SDSL: variants seen among roughly 807,000 people sequenced by gnomAD.
SDSL encodes the protein serine dehydratase like.
Under a neutral mutation model 27.6 loss-of-function variants are expected in SDSL, and 26 were observed. The ratio of observed to expected loss-of-function variants is 0.94; its 90% CI spans 0.69 to 1.31. The LOEUF is 1.31. Ranked by LOEUF, SDSL falls within the 50% of genes most tolerant of loss-of-function variation. The pLI is 0.00. For synonymous variants in SDSL, 196 were observed against 180.6 expected, an observed-to-expected ratio of 1.09 and a Z score of -0.69; for missense variants, 431 against 423.5, an observed-to-expected ratio of 1.02 and a Z score of -0.16.
chr12:113,426,285 C>G (rs1957850430), intron 1 of SDSL: 2 of 455,760 alleles, frequency 4.4e-6, no homozygotes, highest in African/African-American at 2.0e-5. Context: ...CAAAGTTCCC[C>G]TTTCAAGAAC....
chr12:113,428,860 C>T (rs1188034110), intron 3 of SDSL, among the ~76,000 whole-genome samples: 2 of 151,930 alleles, frequency 1.3e-5, no homozygotes, highest in Admixed American at 1.3e-4. Context: ...TCCTACCAGC[C>T]TCCCAACCCT....
intron 6 of SDSL, among the ~76,000 whole-genome samples, chr12:113,436,347 G>A (rs1420378707): frequency 6.6e-6 from 1 of 150,980 alleles, no homozygotes; most frequent in Admixed American, 6.6e-5. Context: ...AGAGTGCAAT[G>A]GCGCGATCTC....
At chr12:113,432,284 CTT>C (rs1565879243) in intron 4 of SDSL, among the ~76,000 whole-genome samples, 25 of 126,422 alleles carry the variant, frequency 2.0e-4, no homozygotes, top group African/African-American at 6.5e-4. Flanking sequence ...TTCTTTCTTT[CTT>C]TCTTTCTCTC....
intron 1 of SDSL, among the ~76,000 whole-genome samples, chr12:113,425,500 A>C (rs558808962): frequency 6.6e-6 from 1 of 152,310 alleles, no homozygotes; most frequent in South Asian, 2.1e-4. Context: ...GTGAGTGGGC[A>C]GGGGAAGTTG....
chr12:113,429,967 TTCCCTCCCTCCC>T (rs200156503), intron 4 of SDSL, among the ~76,000 whole-genome samples: 1 of 148,676 alleles, frequency 6.7e-6, no homozygotes, highest in Non-Finnish European at 1.5e-5. Context: ...TCCTTCCCTC[TTCCCTCCCTCCC>T]TCCCTCCTTC....
intron 6 of SDSL, among the ~76,000 whole-genome samples, chr12:113,436,401 G>T (rs1239287958): frequency 6.6e-6 from 1 of 151,660 alleles, no homozygotes; most frequent in Non-Finnish European, 1.5e-5. Flanking sequence ...TGATTCTCCT[G>T]CCTTAGCCTC....
chr12:113,425,751 G>C, intron 1 of SDSL: 1 of 455,642 alleles, frequency 2.2e-6, no homozygotes, highest in South Asian at 1.6e-5. Context: ...CCAGCACTTC[G>C]GGAGGCCGAG....
chr12:113,426,035 C>T, intron 1 of SDSL: 1 of 399,008 alleles, frequency 2.5e-6, no homozygotes. Context: ...ACCACCACCT[C>T]CCAATGGCTT....
intron 4 of SDSL, among the ~76,000 whole-genome samples, chr12:113,430,361 G>A (rs1957906579): frequency 6.6e-6 from 1 of 152,182 alleles, no homozygotes; most frequent in Non-Finnish European, 1.5e-5. Flanking sequence ...AAGGTGTGTT[G>A]TTTTAATCAG....
In SDSL at chr12:113,434,188, G is replaced by T; in HGVS notation, c.409G>T (p.Glu137Ter). ...AQELAKRDGW[E>*]NVPPFDHPLI... Reference sequence around the variant, plus strand: ...AGAGTTGGCCAAGAGGGACGGCTGGGAGAATGTCCCCCCGTTTGACCACCC... The same window carrying T: ...AGAGTTGGCCAAGAGGGACGGCTGGTAGAATGTCCCCCCGTTTGACCACCC... The change falls in exon 5 of 8, where the codon GAG (glutamate) becomes TAG (stop). Residue 137 changes from glutamate to a stop codon, truncating the protein, a stop_gained. Transcript: ENST00000403593. LOFTEE classifies it high-confidence loss of function. 4 of 1,613,716 alleles carry T rather than the reference G, an allele frequency of 2.5e-6. No homozygotes were observed. Among genetic ancestry groups the T allele is most frequent in the Non-Finnish European group, 3.4e-6 (4 of 1,179,752 alleles).
chr12:113,432,250 T>C (rs1432219773), intron 4 of SDSL, among the ~76,000 whole-genome samples: 1 of 141,326 alleles, frequency 7.1e-6, no homozygotes, highest in African/African-American at 2.8e-5. Context: ...CTTTCTTTCT[T>C]TCTTTCTTTC....
At chr12:113,434,511 C>G (rs978414464) in intron 5 of SDSL, among the ~76,000 whole-genome samples, 4 of 152,218 alleles carry the variant, frequency 2.6e-5, no homozygotes, top group African/African-American at 9.6e-5. Context: ...GCTAATGGCT[C>G]CTCCTGCACT....
In SDSL at chr12:113,435,670, C is replaced by T. The variant is rs1020106948; in HGVS notation, c.671+114C>T. On this transcript the variant is annotated intron_variant, in intron 6 of 7. Coordinates refer to ENST00000403593, the MANE Select transcript of SDSL (RefSeq NM_001304993.2). ...GGCACCCAAAAGGCTGTCCTTGGTC[C>T]TGGGACTCCAACCACAGTAAAGTGG... 6.8e-5 allele frequency: 55 copies of T among 803,446 alleles called. 1 individual carries two copies. The South Asian group carries it at 7.9e-4, about 11-fold the overall frequency. 49.8% of individuals were successfully genotyped at this position (803,446 alleles called of 1,614,324 possible).
At chr12:113,426,202 C>A (rs1415746781) in intron 1 of SDSL, 1 of 455,852 alleles carries the variant, frequency 2.2e-6, no homozygotes, top group African/African-American at 2.0e-5. Context: ...AAGTGCATTT[C>A]TCCCTCGAGG....
In SDSL at chr12:113,429,230, C is replaced by G; in HGVS notation, c.285C>G (p.Pro95=). Residue 95 remains proline (P), a synonymous_variant, in exon 4 of 8, where the codon CCC becomes CCG. Coordinates refer to ENST00000403593, the MANE Select transcript of SDSL (RefSeq NM_001304993.2). ...GCATTCCTGCCACCATCGTGCTCCC[C>G]GAGAGCACCTCCCTGCAGGTGGTGC... ...KLGIPATIVL[P]ESTSLQVVQR... The G allele has an allele frequency of 1.2e-6, 2 of 1,613,764 alleles. No homozygotes were observed. Among genetic ancestry groups the G allele is most frequent in the Non-Finnish European group, 1.7e-6 (2 of 1,179,804 alleles).
intron 5 of SDSL, 103 bp from the exon 6 acceptor site, chr12:113,435,226 G>A (rs1172788944): frequency 7.1e-6 from 5 of 705,616 alleles, no homozygotes; most frequent in African/African-American, 5.4e-5. Flanking sequence ...TTATGTATAT[G>A]AGGGGGCAGA....
Position 113,425,161 on chromosome 12 carries a change from C to T in SDSL, c.-22+2684C>T, listed in dbSNP as rs187638901. ...TGTTTGGGTCACACAGCCAGGAAGT[C>T]GGAGCTGGTTTCTAACTTTTGCTTC... is the stretch of plus-strand genomic sequence containing the variant. On this transcript the variant is annotated intron_variant, in intron 1 of 7. Coordinates refer to ENST00000403593, the MANE Select transcript of SDSL (RefSeq NM_001304993.2). Among the ~76,000 whole-genome samples the T allele has an allele frequency of 1.1e-3, 170 of 152,278 alleles. 1 individual carries two copies. The highest frequency in any genetic ancestry group is 2.9e-3 in the African/African-American group (119 of 41,562).
rs549707913 is a variant in SDSL at position 113,435,318 on chromosome 12, C to A, written c.444-11C>A. 2.0e-6 allele frequency: 3 copies of A among 1,490,110 alleles called. No individual in the cohort carries two copies. Among genetic ancestry groups the A allele is most frequent in the East Asian group, 5.0e-5 (2 of 40,376 alleles). 92.3% of individuals were successfully genotyped at this position (1,490,110 alleles called of 1,614,324 possible). On this transcript the variant is annotated splice_polypyrimidine_tract_variant and intron_variant, in intron 5 of 7. Transcript: ENST00000403593. ...CTCACTCTGCTTCTCCCTCTCACCCCCCCTCCCCAGGAAAGGCCACGCCAG... is the reference window on the plus strand; with the variant it reads ...CTCACTCTGCTTCTCCCTCTCACCCACCCTCCCCAGGAAAGGCCACGCCAG...
intron 3 of SDSL, 51 bp from the exon 4 acceptor site, chr12:113,429,109 A>G: frequency 6.3e-7 from 1 of 1,577,268 alleles, no homozygotes; most frequent in Non-Finnish European, 8.7e-7. Flanking sequence ...GGGAAGGCAT[A>G]TCAAAGGCCA....
Sources: allele counts gnomAD v4.1 joint callset (sites outside exome capture counted in the v4.1 genomes callset), GRCh38; gene constraint gnomAD v4.1.1; transcripts MANE v1.5; gene names NCBI Gene and HGNC (gene_info 2026-07-23, HGNC 2026-07-21).